Variants in PCDH15 observed in about 807,000 individuals in gnomAD.
PCDH15 encodes protocadherin-15.
PCDH15 carries 129 observed loss-of-function variants against 178.5 expected under a neutral mutation model. That is an observed-to-expected ratio of 0.72 (90% CI 0.63 to 0.84). The LOEUF is 0.84. PCDH15 is among the 40% of genes least tolerant of loss of function. The probability of loss-of-function intolerance (pLI) is 0.00; values close to 1 mark genes in which losing one functional copy is unlikely to be tolerated. For synonymous variants in PCDH15, 800 were observed against 732.0 expected, an observed-to-expected ratio of 1.09 and a Z score of -1.50; for missense variants, 2,230 against 2,099.9, an observed-to-expected ratio of 1.06 and a Z score of -1.21.
chr10:55,400,825 A>T (rs559982415), intron 2 of PCDH15, among the ~76,000 whole-genome samples: 1 of 152,094 alleles, frequency 6.6e-6, no homozygotes, highest in African/African-American at 2.4e-5. Context: ...GCCCAGATGA[A>T]TCCTAAACTA....
intron 25 of PCDH15, among the ~76,000 whole-genome samples, chr10:53,916,424 T>C (rs2083533934): frequency 7.9e-6 from 1 of 126,074 alleles, no homozygotes; most frequent in Non-Finnish European, 1.5e-5. Flanking sequence ...GGATGCAAAA[T>C]TGTTTGTTTT....
At chr10:55,235,464 C>T (rs1321568923) in intron 1 of PCDH15, among the ~76,000 whole-genome samples, 1 of 152,114 alleles carries the variant, frequency 6.6e-6, no homozygotes, top group Non-Finnish European at 1.5e-5. Flanking sequence ...AAAGTCCATA[C>T]ATTCTTCCCC....
rs1314153097 is a variant in PCDH15 at position 54,090,598 on chromosome 10, C to G, written c.1918-535G>C. Reference sequence around the variant, plus strand: ...GGCAGATGTTTCAATGAGCTGAGATCATGCCACTGCACTCCAGCCTGGGCA... The same window carrying G: ...GGCAGATGTTTCAATGAGCTGAGATGATGCCACTGCACTCCAGCCTGGGCA... On this transcript the variant is annotated intron_variant, in intron 15 of 37. Coordinates refer to ENST00000644397, the MANE Select transcript of PCDH15 (RefSeq NM_001384140.1). Among the ~76,000 whole-genome samples the G allele has an allele frequency of 4.1e-5, 6 of 146,392 alleles. No homozygotes were observed. In the Admixed American group the frequency reaches 4.2e-4, roughly 10 times the overall value.
chr10:54,205,546 T>A (rs7477283), intron 10 of PCDH15, among the ~76,000 whole-genome samples: 134,576 of 149,720 alleles, frequency 0.9, 60,657 homozygotes, highest in East Asian at 0.98. Flanking sequence ...TGACTGTGAA[T>A]AACCTGTGCT....
chr10:55,257,115 G>A (rs995547343), intron 1 of PCDH15, among the ~76,000 whole-genome samples: 3 of 152,148 alleles, frequency 2.0e-5, no homozygotes, highest in Admixed American at 6.5e-5. Flanking sequence ...AGGCAAACAT[G>A]GTCTGGAGTG....
At chr10:54,208,951 C>T (rs1432063034) in intron 10 of PCDH15, among the ~76,000 whole-genome samples, 1 of 151,880 alleles carries the variant, frequency 6.6e-6, no homozygotes, top group Non-Finnish European at 1.5e-5. Context: ...GAGTGCCAAT[C>T]GTTTCCATCT....
At chr10:55,097,086 A>T (rs1344454851) in intron 2 of PCDH15, among the ~76,000 whole-genome samples, 1 of 152,112 alleles carries the variant, frequency 6.6e-6, no homozygotes, top group African/African-American at 2.4e-5. Flanking sequence ...CTCTTTACCA[A>T]ATAAAAAAGT....
chr10:53,809,145 C>T, intron 37 of PCDH15: 1 of 1,613,866 alleles, frequency 6.2e-7, no homozygotes, highest in South Asian at 1.1e-5. Flanking sequence ...TGGAACTCTC[C>T]TCCTCCTCAG....
At chr10:54,902,484 A>G (rs1404714453) in intron 2 of PCDH15, among the ~76,000 whole-genome samples, 3 of 152,056 alleles carry the variant, frequency 2.0e-5, no homozygotes. Flanking sequence ...CTGTCACCAT[A>G]TTAAGAGATG....
intron 21 of PCDH15, among the ~76,000 whole-genome samples, chr10:53,970,002 C>T (rs953952608): frequency 9.9e-5 from 15 of 152,102 alleles, no homozygotes; most frequent in African/African-American, 2.4e-4. Flanking sequence ...CAAATTCACA[C>T]GTAACAATAT....
intron 2 of PCDH15, among the ~76,000 whole-genome samples, chr10:55,068,690 C>T (rs952894354): frequency 2.6e-5 from 4 of 152,022 alleles, no homozygotes; most frequent in African/African-American, 9.6e-5. Flanking sequence ...GCAGTATGGT[C>T]ATTTTAATAT....
intron 17 of PCDH15, among the ~76,000 whole-genome samples, chr10:54,071,649 G>A (rs1253554109): frequency 6.6e-6 from 1 of 152,038 alleles, no homozygotes; most frequent in Admixed American, 6.6e-5. Context: ...CATGGTTTAA[G>A]AAACATGTAT....
chr10:55,305,775 C>T (rs932131784), intron 1 of PCDH15, among the ~76,000 whole-genome samples: 2 of 152,050 alleles, frequency 1.3e-5, no homozygotes, highest in African/African-American at 4.8e-5. Flanking sequence ...TATGTTGTTT[C>T]AAGGACAGAA....
intron 3 of PCDH15, among the ~76,000 whole-genome samples, chr10:54,522,425 G>A (rs191061335): frequency 1.6e-3 from 240 of 152,226 alleles, no homozygotes; most frequent in Admixed American, 3.1e-3. Context: ...CAGAGTCTTT[G>A]AATTTATTCC....
intron 8 of PCDH15, among the ~76,000 whole-genome samples, chr10:54,250,077 C>CTATTTTT (rs1412806029): frequency 2.9e-5 from 4 of 137,806 alleles, no homozygotes; most frequent in African/African-American, 1.1e-4. Flanking sequence ...CCACATCCGG[C>CTATTTTT]TTTTTTTTTT....
intron 2 of PCDH15, among the ~76,000 whole-genome samples, chr10:54,944,703 G>T (rs1356993474): frequency 6.6e-6 from 1 of 151,866 alleles, no homozygotes; most frequent in Non-Finnish European, 1.5e-5. Flanking sequence ...CTATTGGGTG[G>T]TTTTATACCA....
At chr10:55,385,727 A>C (rs1837641548) in intron 2 of PCDH15, among the ~76,000 whole-genome samples, 1 of 145,292 alleles carries the variant, frequency 6.9e-6, no homozygotes, top group Non-Finnish European at 1.5e-5. Flanking sequence ...ATGCATATAT[A>C]TATACACGTA....
At chr10:54,222,279 G>A (rs571624824) in intron 9 of PCDH15, among the ~76,000 whole-genome samples, 1 of 152,292 alleles carries the variant, frequency 6.6e-6, no homozygotes, top group South Asian at 2.1e-4. Context: ...GGTTTGTGTA[G>A]TCAATACCAC....
At chr10:54,393,511 G>A (rs141209851) in intron 3 of PCDH15, among the ~76,000 whole-genome samples, 1 of 152,262 alleles carries the variant, frequency 6.6e-6, no homozygotes, top group East Asian at 1.9e-4. Flanking sequence ...TGGAATGGGA[G>A]GCAAACGTTA....
Sources: allele counts gnomAD v4.1 joint callset (sites outside exome capture counted in the v4.1 genomes callset), GRCh38; gene constraint gnomAD v4.1.1; transcripts MANE v1.5; gene names NCBI Gene and HGNC (gene_info 2026-07-23, HGNC 2026-07-21).